The following MAST4 variants were observed in gnomAD, a reference collection of about 807,000 sequenced individuals.
MAST4 encodes microtubule associated serine/threonine kinase family member 4, also known as microtubule-associated serine/threonine-protein kinase 4.
In MAST4, 89 loss-of-function variants were observed where a neutral mutation model predicts 162.7. That is an observed-to-expected ratio of 0.55 (90% CI 0.46 to 0.65). MAST4 has a LOEUF of 0.65. Among genes scored for constraint, MAST4 ranks in the 30% least tolerant of loss-of-function variants. The probability of loss-of-function intolerance (pLI) is 0.00; values close to 1 mark genes in which losing one functional copy is unlikely to be tolerated. For synonymous variants in MAST4, 1,479 were observed against 1,361.1 expected, an observed-to-expected ratio of 1.09 and a Z score of -1.91; for missense variants, 3,153 against 3,374.0, an observed-to-expected ratio of 0.93 and a Z score of 1.62.
chr5:66,621,061 G>A (rs927233415), intron 1 of MAST4, among the ~76,000 whole-genome samples: 4 of 152,052 alleles, frequency 2.6e-5, no homozygotes, highest in Non-Finnish European at 5.9e-5. Context: ...TCTTGTTAAA[G>A]TGAAGAGAGA....
At chr5:67,089,103 C>G (rs1056012750) in intron 5 of MAST4, among the ~76,000 whole-genome samples, 1 of 152,206 alleles carries the variant, frequency 6.6e-6, no homozygotes, top group Non-Finnish European at 1.5e-5. Context: ...TTGGCTTGCC[C>G]TTAGGGATTA....
intron 1 of MAST4, among the ~76,000 whole-genome samples, chr5:66,719,195 C>T (rs955959337): frequency 6.6e-5 from 10 of 152,236 alleles, no homozygotes; most frequent in Admixed American, 2.0e-4. Context: ...CACCAAAAGG[C>T]ACCGCCTTGG....
At chr5:67,051,049 C>T (rs1417327399) in intron 4 of MAST4, among the ~76,000 whole-genome samples, 1 of 151,932 alleles carries the variant, frequency 6.6e-6, no homozygotes, top group African/African-American at 2.4e-5. Flanking sequence ...AGGATGAAAA[C>T]TGGAGATAAC....
intron 4 of MAST4, among the ~76,000 whole-genome samples, chr5:67,044,987 T>C (rs1561570473): frequency 6.6e-6 from 1 of 152,218 alleles, no homozygotes; most frequent in Non-Finnish European, 1.5e-5. Flanking sequence ...TTTTCTTAGC[T>C]ATGTACATTG....
intron 4 of MAST4, among the ~76,000 whole-genome samples, chr5:67,049,025 A>ATATATATATACACG (rs1561576229): frequency 1.3e-4 from 9 of 69,064 alleles, no homozygotes; most frequent in African/African-American, 2.6e-4. Context: ...ATATATACGT[A>ATATATATATACACG]TATATATATA....
intron 3 of MAST4, among the ~76,000 whole-genome samples, chr5:66,820,421 C>T (rs1756937462): frequency 6.6e-6 from 1 of 152,184 alleles, no homozygotes. Context: ...CATCACTTCA[C>T]TCATCTATTC....
At chr5:66,815,461 CA>C (rs1756671944) in intron 3 of MAST4, among the ~76,000 whole-genome samples, 1 of 152,106 alleles carries the variant, frequency 6.6e-6, no homozygotes, top group South Asian at 2.1e-4. Flanking sequence ...TAAACTTTAT[CA>C]TACGTATGTA....
intron 4 of MAST4, among the ~76,000 whole-genome samples, chr5:67,013,359 T>C (rs561773290): frequency 2.2e-4 from 33 of 152,178 alleles, no homozygotes; most frequent in African/African-American, 7.5e-4. Flanking sequence ...GTGGAGGGAA[T>C]GAGAAACTGA....
intron 3 of MAST4, among the ~76,000 whole-genome samples, chr5:66,843,468 TTTTC>T (rs1162448611): frequency 1.4e-4 from 21 of 152,156 alleles, no homozygotes. Flanking sequence ...AGGAGAATGA[TTTTC>T]TTAGCCAGAT....
chr5:66,805,063 G>T (rs1561343359), intron 3 of MAST4, among the ~76,000 whole-genome samples: 3 of 151,962 alleles, frequency 2.0e-5, no homozygotes, highest in Admixed American at 6.6e-5. Flanking sequence ...AAGGTATTTT[G>T]CCATCTTCAA....
intron 3 of MAST4, among the ~76,000 whole-genome samples, chr5:66,882,054 G>T (rs1761724532): frequency 6.6e-6 from 1 of 152,186 alleles, no homozygotes; most frequent in Non-Finnish European, 1.5e-5. Flanking sequence ...ACTGGTTTCA[G>T]TATCTTGATA....
intron 4 of MAST4, among the ~76,000 whole-genome samples, chr5:66,967,219 G>T (rs929095707): frequency 6.6e-6 from 1 of 152,104 alleles, no homozygotes; most frequent in Non-Finnish European, 1.5e-5. Context: ...CCCTTTTGAG[G>T]TGATGACACA....
intron 5 of MAST4, among the ~76,000 whole-genome samples, chr5:67,065,550 A>G (rs1760132767): frequency 6.6e-6 from 1 of 152,216 alleles, no homozygotes; most frequent in South Asian, 2.1e-4. Flanking sequence ...AGCTGTCTTC[A>G]TTAAGTGCCC....
intron 7 of MAST4, 143 bp from the exon 8 acceptor site, chr5:67,100,292 A>G: frequency 1.3e-6 from 1 of 743,700 alleles, no homozygotes; most frequent in Non-Finnish European, 2.1e-6. Flanking sequence ...TTATACATTT[A>G]GGCAGTCGTT....
chr5:67,134,784 A>G, intron 18 of MAST4, 96 bp downstream of exon 18: 1 of 1,001,644 alleles, frequency 1.0e-6, no homozygotes. Flanking sequence ...CTAAAATGTT[A>G]ACCTTTATCA....
At chr5:66,793,424 A>T (rs1050351398) in intron 3 of MAST4, among the ~76,000 whole-genome samples, 1 of 152,192 alleles carries the variant, frequency 6.6e-6, no homozygotes, top group Non-Finnish European at 1.5e-5. Flanking sequence ...CCCTCCCCAC[A>T]CACATGGGTA....
At chr5:66,762,974 G>A (rs545279809) in intron 2 of MAST4, among the ~76,000 whole-genome samples, 1 of 152,134 alleles carries the variant, frequency 6.6e-6, no homozygotes, top group African/African-American at 2.4e-5. Context: ...TGTGTAGCAG[G>A]CATTGTGTTT....
At position 67,164,219 on chromosome 5, in the gene MAST4, C is replaced by T. The variant is rs377195550; in HGVS notation, c.5040C>T (p.Asp1680=). 32 of 1,613,706 alleles carry T rather than the reference C, an allele frequency of 2.0e-5. No individual in the cohort carries two copies. The African/African-American group carries it at 3.9e-4, about 19-fold the overall frequency. The change falls in exon 29 of 29, where the codon GAC becomes GAT. Residue 1680 remains aspartate (D), a synonymous_variant. Coordinates refer to ENST00000403625, the MANE Select transcript of MAST4 (RefSeq NM_001164664.2). This position sits in a 1 kb window ranked among gnomAD's most constrained non-coding sequence, Gnocchi z 5.3. ...AGCTTCTCCGATGTGAAAAGTTAGA[C>T]AGCAAGCTGGCCAACATCGATTACC... is the stretch of plus-strand genomic sequence containing the variant. The part of the protein sequence containing the change: ...AKELLRCEKL[D]SKLANIDYLR...
intron 3 of MAST4, among the ~76,000 whole-genome samples, chr5:66,870,526 C>A (rs1182814749): frequency 6.6e-6 from 1 of 152,152 alleles, no homozygotes; most frequent in South Asian, 2.1e-4. Context: ...TATCTTAATA[C>A]TGGGTTGTGT....
Sources: allele counts gnomAD v4.1 joint callset (sites outside exome capture counted in the v4.1 genomes callset), GRCh38; gene constraint gnomAD v4.1.1; non-coding constraint Gnocchi (gnomAD v3.1); transcripts MANE v1.5; gene names NCBI Gene and HGNC (gene_info 2026-07-23, HGNC 2026-07-21).